MEI4: variants seen among roughly 807,000 people sequenced by gnomAD.
MEI4 encodes the protein meiotic double-stranded break formation protein 4, also known as meiosis-specific protein MEI4.
Under a neutral mutation model 31.4 loss-of-function variants are expected in MEI4, and 27 were observed. The observed-to-expected ratio is 0.86, with a 90% CI of 0.63 to 1.19. The LOEUF is 1.19. Ranked by LOEUF, MEI4 falls within the 50% of genes most tolerant of loss-of-function variation. The probability of loss-of-function intolerance (pLI) is 0.00; values close to 1 mark genes in which losing one functional copy is unlikely to be tolerated. For missense variants in MEI4, 329 were observed against 398.9 expected, an observed-to-expected ratio of 0.82 and a Z score of 1.49; for synonymous variants, 122 against 145.4, an observed-to-expected ratio of 0.84 and a Z score of 1.16.
chr6:77,724,748 C>T (rs541375417), intron 2 of MEI4, among the ~76,000 whole-genome samples: 144 of 147,150 alleles, frequency 9.8e-4, no homozygotes, highest in African/African-American at 3.5e-3. Context: ...ACTCTGATGG[C>T]CCCACTAATT....
chr6:77,832,622 C>G (rs1770112792), intron 4 of MEI4, among the ~76,000 whole-genome samples: 1 of 151,968 alleles, frequency 6.6e-6, no homozygotes, highest in African/African-American at 2.4e-5. Flanking sequence ...ACTAGTAATT[C>G]ATATTATTCC....
chr6:77,659,431 T>G (rs1768459997), intron 1 of MEI4, among the ~76,000 whole-genome samples: 1 of 152,124 alleles, frequency 6.6e-6, no homozygotes, highest in Admixed American at 6.5e-5. Context: ...AGGGGTGTCT[T>G]GTACCCAGAT....
At chr6:77,917,716 T>C (rs897789663) in intron 4 of MEI4, among the ~76,000 whole-genome samples, 8 of 146,714 alleles carry the variant, frequency 5.5e-5, no homozygotes, top group East Asian at 2.1e-4. Context: ...ATTTTGTAGG[T>C]TGCCTGTTCA....
At chr6:77,867,403 G>A (rs556640176) in intron 4 of MEI4, among the ~76,000 whole-genome samples, 6 of 152,224 alleles carry the variant, frequency 3.9e-5, no homozygotes, top group East Asian at 1.9e-4. Context: ...ACAAGTCGGC[G>A]AAGGATATGA....
chr6:77,904,899 T>C (rs1766260261), intron 4 of MEI4, among the ~76,000 whole-genome samples: 1 of 152,186 alleles, frequency 6.6e-6, no homozygotes, highest in South Asian at 2.1e-4. Flanking sequence ...GTATTTTTTC[T>C]TTTAGGCTTC....
intron 2 of MEI4, among the ~76,000 whole-genome samples, chr6:77,712,458 A>G (rs1766489048): frequency 6.6e-6 from 1 of 152,186 alleles, no homozygotes; most frequent in Non-Finnish European, 1.5e-5. Flanking sequence ...ATGAATTTAT[A>G]TGTTTACTAG....
Position 77,829,026 on chromosome 6 carries a change from A to G in MEI4, c.864A>G (p.Val288=). Residue 288 remains valine, a synonymous_variant, in exon 4 of 5, where the codon GTA becomes GTG. Coordinates refer to ENST00000684080, the MANE Select transcript of MEI4 (RefSeq NM_001322247.2). ...KSIISLLLSE[V]NGFADDLGAI... ...TTATATCTCTGCTTCTATCAGAAGT[A>G]AATGGCTTTGCTGATGATCTGGGAG... 8.1e-7 allele frequency: 1 copy of G among 1,232,034 alleles called. No individual in the cohort carries two copies. The highest frequency in any genetic ancestry group is 1.0e-6 in the Non-Finnish European group (1 of 987,872). 76.3% of individuals were successfully genotyped at this position (1,232,034 alleles called of 1,614,324 possible).
At chr6:77,708,059 G>A (rs1452653652) in intron 2 of MEI4, among the ~76,000 whole-genome samples, 2 of 152,212 alleles carry the variant, frequency 1.3e-5, no homozygotes, top group African/African-American at 4.8e-5. Flanking sequence ...TTCCCACTGG[G>A]GCACTGTCTA....
intron 2 of MEI4, among the ~76,000 whole-genome samples, chr6:77,699,298 T>G (rs1484409759): frequency 6.6e-6 from 1 of 150,538 alleles, no homozygotes; most frequent in African/African-American, 2.4e-5. Context: ...CACGCCATTC[T>G]CCTGCCTCAG....
At chr6:77,733,852 A>T (rs1767092420) in intron 2 of MEI4, among the ~76,000 whole-genome samples, 1 of 152,052 alleles carries the variant, frequency 6.6e-6, no homozygotes, top group Admixed American at 6.5e-5. Context: ...GGTTTCAAAG[A>T]ACATCTTTAT....
At chr6:77,689,372 A>G (rs1287250555) in intron 1 of MEI4, among the ~76,000 whole-genome samples, 1 of 152,220 alleles carries the variant, frequency 6.6e-6, no homozygotes, top group East Asian at 1.9e-4. Context: ...AATATTATCA[A>G]TAATGCTGTG....
chr6:77,727,052 G>C (rs545134331), intron 2 of MEI4, among the ~76,000 whole-genome samples: 1 of 152,094 alleles, frequency 6.6e-6, no homozygotes, highest in Non-Finnish European at 1.5e-5. Flanking sequence ...ATTTTTTTTG[G>C]TACCTGCAAG....
chr6:77,863,204 C>T (rs969705040), intron 4 of MEI4, among the ~76,000 whole-genome samples: 1 of 152,132 alleles, frequency 6.6e-6, no homozygotes, highest in African/African-American at 2.4e-5. Context: ...AACGCAGCTC[C>T]TCACCAGCAA....
chr6:77,717,974 C>T (rs1462801844), intron 2 of MEI4, among the ~76,000 whole-genome samples: 2 of 43,028 alleles, frequency 4.6e-5, no homozygotes, highest in Non-Finnish European at 8.9e-5. Context: ...GCTGTCTCTT[C>T]GGAGCTGTTG....
intron 4 of MEI4, among the ~76,000 whole-genome samples, chr6:77,883,715 A>T (rs9343685): frequency 1.5e-5 from 1 of 65,612 alleles, no homozygotes; most frequent in African/African-American, 7.4e-5. Flanking sequence ...GCTATTATGT[A>T]AGATATATAT....
chr6:77,714,291 G>A (rs1270316485), intron 2 of MEI4, among the ~76,000 whole-genome samples: 1 of 150,640 alleles, frequency 6.6e-6, no homozygotes, highest in Non-Finnish European at 1.5e-5. Context: ...TCTATAAAAT[G>A]TCAATTCTTT....
At position 77,899,051 on chromosome 6, in the gene MEI4, C is replaced by A. The variant is rs183930367; in HGVS notation, c.901-24038C>A. ...ACTCTTTCTATTAATCCATGGGTGT[C>A]CCTCATTCTCAAGCTTACAAAGAAG... On this transcript the variant is annotated intron_variant, in intron 4 of 4. Transcript: ENST00000684080. 2.6e-5 allele frequency among the ~76,000 whole-genome samples: 4 copies of A among 152,052 alleles called. No individual in the cohort carries two copies. The East Asian group carries it at 7.7e-4, about 29-fold the overall frequency.
intron 1 of MEI4, among the ~76,000 whole-genome samples, chr6:77,686,875 C>CTTTTTTTTTTTTTTTTTTTTTT (rs70974681): frequency 6.0e-5 from 8 of 132,476 alleles, no homozygotes; most frequent in East Asian, 2.4e-4. Flanking sequence ...GTCTGTGGCT[C>CTTTTTTTTTTTTTTTTTTTTTT]TTTTTTTTTG....
chr6:77,807,255 A>C (rs544212957), intron 3 of MEI4, among the ~76,000 whole-genome samples: 1 of 152,132 alleles, frequency 6.6e-6, no homozygotes, highest in East Asian at 1.9e-4. Flanking sequence ...GTTAAAATCT[A>C]ATAAAGGCCT....
Sources: gnomAD v4.1 joint callset for allele counts (sites outside exome capture counted in the v4.1 genomes callset) on GRCh38, gnomAD v4.1.1 for gene constraint, MANE v1.5 for transcripts, NCBI Gene and HGNC (gene_info 2026-07-23, HGNC 2026-07-21) for gene names.